MAP2: variants seen among roughly 807,000 people sequenced by gnomAD.
MAP2 encodes microtubule associated protein 2.
Under a neutral mutation model 137.6 loss-of-function variants are expected in MAP2, and 14 were observed. That is an observed-to-expected ratio of 0.10 (90% CI 0.07 to 0.16). MAP2 has a LOEUF of 0.16. Ranked by LOEUF, MAP2 falls within the 10% of genes least tolerant of loss-of-function variation. The probability of loss-of-function intolerance (pLI) is 1.00; values close to 1 mark genes in which losing one functional copy is unlikely to be tolerated. For synonymous variants in MAP2, 786 were observed against 782.3 expected, an observed-to-expected ratio of 1.00 and a Z score of -0.08; for missense variants, 2,088 against 2,191.5, an observed-to-expected ratio of 0.95 and a Z score of 0.94.
intron 2 of MAP2, among the ~76,000 whole-genome samples, chr2:209,576,146 G>GCATCTA (rs1224085359): frequency 1.3e-5 from 2 of 152,158 alleles, no homozygotes; most frequent in Non-Finnish European, 2.9e-5. Flanking sequence ...TAAAGATCAG[G>GCATCTA]CATCTACAAT....
At chr2:209,607,177 T>C (rs1050624161) in intron 3 of MAP2, among the ~76,000 whole-genome samples, 1 of 152,216 alleles carries the variant, frequency 6.6e-6, no homozygotes, top group Non-Finnish European at 1.5e-5. Context: ...AACCATTGGA[T>C]ACTATTTAAC....
At position 209,729,933 on chromosome 2, in the gene MAP2, C is replaced by G. The variant is rs1049505728; in HGVS notation, c.5239C>G (p.His1747Asp). Reference sequence around the variant, plus strand: ...TAAAGTTGGTTCTCTTGATAATGCTCATCATGTACCTGGAGGTGGTAATGT... The same window carrying G: ...TAAAGTTGGTTCTCTTGATAATGCTGATCATGTACCTGGAGGTGGTAATGT... Reference protein sequence around the residue: ...QAKVGSLDNAHHVPGGGNVKI... With the variant: ...QAKVGSLDNADHVPGGGNVKI... The change falls in exon 15 of 16, where the codon CAT (histidine) becomes GAT (aspartate). Residue 1747 changes from histidine (H) to aspartate (D), a missense_variant. His to Asp is a moderately conservative substitution (Grantham distance 81, BLOSUM62 -1). This residue lies in a region of MAP2 where 112 missense variants were observed against 201.0 expected (regional missense o/e 0.56). Coordinates refer to ENST00000682079, the MANE Select transcript of MAP2 (RefSeq NM_001375505.1). The G allele has an allele frequency of 1.9e-6, 3 of 1,612,100 alleles. No individual in the cohort carries two copies. The highest frequency in any genetic ancestry group is 2.5e-6 in the Non-Finnish European group (3 of 1,178,302).
rs553122378 is a variant in MAP2 at position 209,583,130 on chromosome 2, T to C, written c.-107+3030T>C. 9.5e-3 allele frequency among the ~76,000 whole-genome samples: 1,347 copies of C among 142,412 alleles called. 21 individuals carry two copies. Among genetic ancestry groups the C allele is most frequent in the African/African-American group, 0.032 (1,264 of 38,894 alleles). 93.4% of individuals were successfully genotyped at this position (142,412 alleles called of 152,430 possible). ...ATCAAAATATCTCTATCTATCTATC[T>C]ATCCATCTGTCTGTCTGTCTATCTA... On this transcript the variant is annotated intron_variant, in intron 3 of 15. Coordinates refer to ENST00000682079, the MANE Select transcript of MAP2 (RefSeq NM_001375505.1).
intron 3 of MAP2, among the ~76,000 whole-genome samples, chr2:209,598,140 G>A (rs1335675618): frequency 1.3e-5 from 2 of 152,018 alleles, no homozygotes; most frequent in Non-Finnish European, 2.9e-5. Context: ...CACGTAGCTG[G>A]GACTGTAGGC....
intron 1 of MAP2, among the ~76,000 whole-genome samples, chr2:209,495,219 C>T (rs781479854): frequency 3.7e-4 from 56 of 152,174 alleles, no homozygotes; most frequent in Non-Finnish European, 6.0e-4. Flanking sequence ...CATCTCCCGG[C>T]GACAGAGCAC....
intron 2 of MAP2, chr2:209,579,272 TGCGTGCGTGC>T (rs764037153): frequency 2.3e-5 from 2 of 86,290 alleles, no homozygotes; most frequent in Non-Finnish European, 5.0e-5. Context: ...TGTGTGTGCG[TGCGTGCGTGC>T]GTGTGTGTGT....
chr2:209,693,493 G>T lies in MAP2; in HGVS notation c.1323G>T (p.Glu441Asp), dbSNP rs573735618. Residue 441 changes from glutamate (E) to aspartate (D), a missense_variant, in exon 8 of 16, where the codon GAG becomes GAT. This residue lies in a region of MAP2 where 859 missense variants were observed against 794.5 expected (regional missense o/e 1.08). Transcript: ENST00000682079. ...QEPILTEKET[E>D]LKLEEKTTIS... The stretch of plus-strand genomic sequence containing the variant: ...CTATACTTACTGAAAAGGAAACTGA[G>T]CTGAAGCTTGAAGAAAAAACCACCA... The T allele has an allele frequency of 4.3e-5, 69 of 1,612,284 alleles. No homozygotes were observed. The South Asian group carries it at 7.2e-4, about 17-fold the overall frequency.
intron 2 of MAP2, among the ~76,000 whole-genome samples, chr2:209,561,107 A>C (rs1165956362): frequency 6.6e-6 from 1 of 152,230 alleles, no homozygotes; most frequent in African/African-American, 2.4e-5. Context: ...GAACACACAC[A>C]GAGACTCAAT....
chr2:209,662,184 CTCTA>C (rs904061132), intron 5 of MAP2, among the ~76,000 whole-genome samples: 14 of 152,164 alleles, frequency 9.2e-5, no homozygotes, highest in Admixed American at 1.3e-4. Context: ...AAGAGCAAGG[CTCTA>C]TCTAACACAA....
At chr2:209,427,170 T>G (rs936328963) in intron 1 of MAP2, among the ~76,000 whole-genome samples, 1 of 152,222 alleles carries the variant, frequency 6.6e-6, no homozygotes, top group Admixed American at 6.5e-5. Context: ...TATTGAATCC[T>G]TTCAATACTT....
chr2:209,623,669 T>C (rs2091728812), intron 3 of MAP2, among the ~76,000 whole-genome samples: 1 of 152,134 alleles, frequency 6.6e-6, no homozygotes, highest in Non-Finnish European at 1.5e-5. Context: ...TTAAAAATTC[T>C]CTAAATAGTC....
intron 1 of MAP2, among the ~76,000 whole-genome samples, chr2:209,475,356 C>T (rs189721292): frequency 6.6e-6 from 1 of 152,172 alleles, no homozygotes; most frequent in East Asian, 1.9e-4. Context: ...CCACTGTATA[C>T]AACTCTGAAC....
At chr2:209,667,740 T>C (rs2046973158) in intron 5 of MAP2, among the ~76,000 whole-genome samples, 1 of 151,988 alleles carries the variant, frequency 6.6e-6, no homozygotes, top group Admixed American at 6.6e-5. Flanking sequence ...TTCCATAAGA[T>C]TGTGATTCTC....
At chr2:209,691,257 G>A (rs942223484) in intron 7 of MAP2, among the ~76,000 whole-genome samples, 2 of 151,598 alleles carry the variant, frequency 1.3e-5, no homozygotes, top group African/African-American at 4.9e-5. Context: ...TTGGATTTTG[G>A]CACATAGAGG....
At chr2:209,652,763 C>T (rs2094893764) in intron 4 of MAP2, among the ~76,000 whole-genome samples, 1 of 152,214 alleles carries the variant, frequency 6.6e-6, no homozygotes, top group Admixed American at 6.5e-5. Flanking sequence ...GATTCCTTGA[C>T]TCTACCATAC....
intron 1 of MAP2, among the ~76,000 whole-genome samples, chr2:209,480,471 G>A (rs1306469015): frequency 6.6e-6 from 1 of 152,092 alleles, no homozygotes; most frequent in East Asian, 1.9e-4. Context: ...TTACAAGCTA[G>A]CATTACTTTA....
At chr2:209,506,578 G>T (rs1023849215) in intron 1 of MAP2, among the ~76,000 whole-genome samples, 8 of 152,258 alleles carry the variant, frequency 5.3e-5, no homozygotes, top group Non-Finnish European at 1.0e-4. Context: ...TTTACTATCT[G>T]TTCAAGAGAC....
intron 2 of MAP2, among the ~76,000 whole-genome samples, chr2:209,557,828 G>A (rs1201792265): frequency 6.6e-6 from 1 of 152,192 alleles, no homozygotes; most frequent in African/African-American, 2.4e-5. Flanking sequence ...CACTGAGGGA[G>A]TTAGAATTCG....
At chr2:209,562,971 T>G (rs1322644908) in intron 2 of MAP2, among the ~76,000 whole-genome samples, 1 of 152,216 alleles carries the variant, frequency 6.6e-6, no homozygotes, top group Admixed American at 6.5e-5. Flanking sequence ...GAACTGTTTT[T>G]GGATATTCCA....
Sources: gnomAD v4.1 joint callset for allele counts (sites outside exome capture counted in the v4.1 genomes callset) on GRCh38, gnomAD v4.1.1 for gene constraint, gnomAD v4.1.1 regional missense constraint, MANE v1.5 for transcripts, NCBI Gene and HGNC (gene_info 2026-07-23, HGNC 2026-07-21) for gene names.